DUSP22: variants seen among roughly 807,000 people sequenced by gnomAD.
DUSP22 encodes the protein dual specificity protein phosphatase 22.
Under a neutral mutation model 24.5 loss-of-function variants are expected in DUSP22, and 24 were observed. That is an observed-to-expected ratio of 0.98 (90% confidence interval 0.71 to 1.38). DUSP22 has a LOEUF of 1.38. Among genes scored for constraint, DUSP22 ranks in the 40% most tolerant of loss-of-function variants. DUSP22 has a pLI of 0.00. For missense variants in DUSP22, 330 were observed against 269.2 expected, an observed-to-expected ratio of 1.23 and a Z score of -1.58; for synonymous variants, 160 against 106.4, an observed-to-expected ratio of 1.50 and a Z score of -3.10.
intron 3 of DUSP22, among the ~76,000 whole-genome samples, chr6:332,904 G>A (rs1581179424): frequency 1.3e-5 from 2 of 152,306 alleles, no homozygotes; most frequent in South Asian, 4.1e-4. Context: ...GATTTCACAA[G>A]CTTCTGGACT....
In DUSP22 at chr6:346,643, G is replaced by T. The variant is rs1310268930; in HGVS notation, c.263+715G>T. Among the ~76,000 whole-genome samples, 6 of 152,426 alleles carry T rather than the reference G, an allele frequency of 3.9e-5. No homozygotes were observed. The South Asian group carries it at 6.2e-4, about 16-fold the overall frequency. ...CAGTAGCCAAAATTCAGGAGCCAAG[G>T]CTCTGTTGTCTAAGTGCTAGGCCGG... On this transcript the variant is annotated intron_variant, in intron 5 of 6. Coordinates refer to ENST00000419235, the MANE Select transcript of DUSP22 (RefSeq NM_001286555.3).
intron 3 of DUSP22, among the ~76,000 whole-genome samples, chr6:314,724 A>T (rs1017343990): frequency 6.6e-6 from 1 of 152,300 alleles, no homozygotes; most frequent in Non-Finnish European, 1.5e-5. Flanking sequence ...GAGACATTGT[A>T]TGTGCTTGCT....
At chr6:318,439 G>A (rs1758430633) in intron 3 of DUSP22, among the ~76,000 whole-genome samples, 1 of 152,302 alleles carries the variant, frequency 6.6e-6, no homozygotes, top group South Asian at 2.1e-4. Flanking sequence ...CATTGCCTGT[G>A]GCCCTCCTCC....
At chr6:304,341 C>CG (rs1249434670) in intron 1 of DUSP22, among the ~76,000 whole-genome samples, 1 of 152,300 alleles carries the variant, frequency 6.6e-6, no homozygotes, top group African/African-American at 2.4e-5. Context: ...GGTGGGCAGG[C>CG]GGGGCAGGGG....
At chr6:325,003 A>G (rs929912972) in intron 3 of DUSP22, among the ~76,000 whole-genome samples, 2 of 152,424 alleles carry the variant, frequency 1.3e-5, no homozygotes, top group East Asian at 1.9e-4. Context: ...AGGCTGGCTC[A>G]GGGAGATAGG....
chr6:306,752 G>A (rs1435414344), intron 2 of DUSP22, among the ~76,000 whole-genome samples: 5 of 152,306 alleles, frequency 3.3e-5, no homozygotes, highest in Non-Finnish European at 7.3e-5. Context: ...GGGAACACAC[G>A]ATGTGCTGGG....
intron 3 of DUSP22, among the ~76,000 whole-genome samples, chr6:330,325 C>G (rs1054845903): frequency 3.9e-5 from 6 of 152,416 alleles, no homozygotes; most frequent in Middle Eastern, 3.4e-3. Flanking sequence ...CAGTTCTGTC[C>G]TGTAACTGGT....
At chr6:331,683 T>A (rs981237028) in intron 3 of DUSP22, among the ~76,000 whole-genome samples, 8 of 152,300 alleles carry the variant, frequency 5.3e-5, no homozygotes, top group African/African-American at 1.9e-4. Context: ...AGTAATTAAC[T>A]GTCATGAATT....
At chr6:323,659 A>T (rs1036397254) in intron 3 of DUSP22, among the ~76,000 whole-genome samples, 1 of 152,306 alleles carries the variant, frequency 6.6e-6, no homozygotes, top group Non-Finnish European at 1.5e-5. Context: ...ATGGCTGTAT[A>T]GGCACAGATT....
At chr6:316,030 C>T (rs1758322806) in intron 3 of DUSP22, among the ~76,000 whole-genome samples, 1 of 152,302 alleles carries the variant, frequency 6.6e-6, no homozygotes, top group Admixed American at 6.5e-5. Flanking sequence ...TTTGACTGGG[C>T]CTTTGGCGAT....
At chr6:342,830 C>T (rs1256325095) in intron 4 of DUSP22, among the ~76,000 whole-genome samples, 1 of 152,310 alleles carries the variant, frequency 6.6e-6, no homozygotes, top group Non-Finnish European at 1.5e-5. Flanking sequence ...TCAACATGGA[C>T]AGAGCTGCAG....
At chr6:305,272 AC>A (rs1757770687) in intron 2 of DUSP22, among the ~76,000 whole-genome samples, 1 of 152,300 alleles carries the variant, frequency 6.6e-6, no homozygotes, top group African/African-American at 2.4e-5. Context: ...CTTGACCATC[AC>A]CTGATGGAGT....
At chr6:342,638 G>A (rs570167052) in intron 4 of DUSP22, among the ~76,000 whole-genome samples, 12 of 152,388 alleles carry the variant, frequency 7.9e-5, no homozygotes, top group African/African-American at 1.2e-4. Flanking sequence ...GCAGAATACC[G>A]TGTTTGACTG....
intron 3 of DUSP22, among the ~76,000 whole-genome samples, chr6:316,453 T>A (rs1277425083): frequency 6.6e-6 from 1 of 152,310 alleles, no homozygotes; most frequent in Non-Finnish European, 1.5e-5. Flanking sequence ...CCCTGTGTGC[T>A]GAAAAGTGTT....
intron 4 of DUSP22, among the ~76,000 whole-genome samples, chr6:339,860 A>G (rs1409313363): frequency 6.6e-6 from 1 of 152,306 alleles, no homozygotes; most frequent in Non-Finnish European, 1.5e-5. Context: ...TTTATTATAA[A>G]GGAGCACTTT....
intron 4 of DUSP22, 33 bp downstream of exon 4, chr6:335,196 A>G (rs1759309081): frequency 6.2e-7 from 1 of 1,607,124 alleles, no homozygotes; most frequent in South Asian, 1.1e-5. Context: ...ATTTGGAGAC[A>G]TTTAAAAAAA....
intron 3 of DUSP22, among the ~76,000 whole-genome samples, chr6:313,805 T>C (rs1758216910): frequency 6.6e-6 from 1 of 152,312 alleles, no homozygotes; most frequent in South Asian, 2.1e-4. Flanking sequence ...TGATATATTC[T>C]TATTTTAAAA....
chr6:328,611 T>TACAAA (rs777885943), intron 3 of DUSP22, among the ~76,000 whole-genome samples: 1 of 152,304 alleles, frequency 6.6e-6, no homozygotes, highest in Non-Finnish European at 1.5e-5. Flanking sequence ...TACCACAGAG[T>TACAAA]TCTTGGAAGT....
rs574845988 is a variant in DUSP22, at chr6:350,131, A to T, written c.*1180A>T. ...TTTGGAAAGGTGTTTTTTGGTATGCAAGTCAGCTTTGCCTCACAGTTGAAA... is the reference window on the plus strand; with the variant it reads ...TTTGGAAAGGTGTTTTTTGGTATGCTAGTCAGCTTTGCCTCACAGTTGAAA... On this transcript the variant is annotated 3_prime_UTR_variant, in exon 7 of 7. Coordinates refer to ENST00000419235, the MANE Select transcript of DUSP22 (RefSeq NM_001286555.3). 21 of 986,072 alleles carry T rather than the reference A, an allele frequency of 2.1e-5. No individual in the cohort carries two copies. In the African/African-American group the frequency reaches 3.7e-4, roughly 17 times the overall value. The allele number at this position is 986,072 out of a possible 1,614,324, so 61.1% of individuals were successfully genotyped here. A position where few individuals can be genotyped will look rare whatever the true frequency, so the allele number is the denominator to read the frequency against.
Sources: gnomAD v4.1 joint callset for allele counts (sites outside exome capture counted in the v4.1 genomes callset) on GRCh38, gnomAD v4.1.1 for gene constraint, MANE v1.5 for transcripts, NCBI Gene and HGNC (gene_info 2026-07-23, HGNC 2026-07-21) for gene names.